The following RFTN1 variants were observed in gnomAD, a reference collection of about 807,000 sequenced individuals.
RFTN1 encodes raftlin, lipid raft linker 1, also known as raftlin.
In RFTN1, 26 loss-of-function variants were observed where a neutral mutation model predicts 46.5. The observed-to-expected ratio is 0.56, with a 90% CI of 0.41 to 0.78. The LOEUF is 0.78. Among genes scored for constraint, RFTN1 ranks in the 30% least tolerant of loss-of-function variants. The pLI is 0.00. For synonymous variants in RFTN1, 261 were observed against 284.2 expected (o/e 0.92, Z 0.82); for missense variants, 693 against 718.7 (o/e 0.96, Z 0.41).
rs34945684 is a variant in RFTN1, at chr3:16,480,998, G to GACAC, written c.145+12723_145+12726dup. 0.42 allele frequency among the ~76,000 whole-genome samples: 61,224 copies of GACAC among 145,600 alleles called. 12,885 individuals carry two copies. Among genetic ancestry groups the GACAC allele is most frequent in the South Asian group, 0.47 (2,060 of 4,412 alleles). On this transcript the variant is annotated intron_variant, in intron 2 of 9. Transcript: ENST00000334133. This position sits in a 1 kb window ranked among gnomAD's most constrained non-coding sequence, Gnocchi z 4.3. ...ATATGCACATGCACACACACACACA[G>GACAC]ACACACACACACACACACACACACA...
rs1470774013 is a variant in RFTN1, at chr3:16,480,755, C to A, written c.145+12970G>T. Among the ~76,000 whole-genome samples the A allele has an allele frequency of 6.6e-6, 1 of 152,154 alleles. No homozygotes were observed. The highest frequency in any genetic ancestry group is 1.5e-5 in the Non-Finnish European group (1 of 68,026). On this transcript the variant is annotated intron_variant, in intron 2 of 9. Transcript: ENST00000334133. The surrounding 1 kb of genome is among the most constrained non-coding windows in gnomAD (Gnocchi z 4.3). ...CTTAAAATTCTTTAACGCAATATTG[C>A]TAATAATAATTAGTAGGGTGCATAG... is the stretch of plus-strand genomic sequence containing the variant.
chr3:16,479,691 C>T lies in RFTN1; in HGVS notation c.145+14034G>A, dbSNP rs1472740781. ...AGGCCTTAAAAGTTCAGCCTGTTGG[C>T]ATCAGCAGCCCTGATGAGTCCACTC... On this transcript the variant is annotated intron_variant, in intron 2 of 9. Coordinates refer to ENST00000334133, the MANE Select transcript of RFTN1 (RefSeq NM_015150.2). The surrounding 1 kb of genome is among the most constrained non-coding windows in gnomAD (Gnocchi z 5.1). Among the ~76,000 whole-genome samples, 1 of 152,206 alleles carries T rather than the reference C, an allele frequency of 6.6e-6. No homozygotes were observed. The highest frequency in any genetic ancestry group is 1.5e-5 in the Non-Finnish European group (1 of 68,022).
In RFTN1 at chr3:16,317,373, C is replaced by CA; in HGVS notation, c.1333-142dup. Reference sequence around the variant, plus strand: ...GCATCCCCCAGCCAGGCAGTACAGGCACCAAACTTGAATCGCACACTATCA... The same window carrying CA: ...GCATCCCCCAGCCAGGCAGTACAGGCAACCAAACTTGAATCGCACACTATCA... On this transcript the variant is annotated intron_variant, in intron 9 of 9. Transcript: ENST00000334133. This position sits in a 1 kb window ranked among gnomAD's most constrained non-coding sequence, Gnocchi z 4.3. 1.2e-6 allele frequency: 1 copy of CA among 836,444 alleles called. No individual in the cohort carries two copies. Among genetic ancestry groups the CA allele is most frequent in the Non-Finnish European group, 1.9e-6 (1 of 539,798 alleles). The allele number at this position is 836,444 out of a possible 1,614,324, so 51.8% of individuals were successfully genotyped here.
intron 4 of RFTN1, among the ~76,000 whole-genome samples, chr3:16,378,678 G>A (rs1462157212): frequency 1.3e-5 from 2 of 152,178 alleles, no homozygotes; most frequent in African/African-American, 2.4e-5. Flanking sequence ...TCCCTGAGAG[G>A]TATCATCTGA....
intron 6 of RFTN1, among the ~76,000 whole-genome samples, chr3:16,364,553 C>T (rs1308309661): frequency 6.6e-6 from 1 of 152,022 alleles, no homozygotes; most frequent in Non-Finnish European, 1.5e-5. Flanking sequence ...ACTCTCTCTG[C>T]CTCGGTGGTT....
rs1480863936 is a variant in RFTN1, at chr3:16,381,974, C to CT, written c.442-3873dup. Among the ~76,000 whole-genome samples the CT allele has an allele frequency of 6.6e-6, 1 of 152,170 alleles. No homozygotes were observed. Among genetic ancestry groups the CT allele is most frequent in the Admixed American group, 6.5e-5 (1 of 15,268 alleles). On this transcript the variant is annotated intron_variant, in intron 4 of 9. Coordinates refer to ENST00000334133, the MANE Select transcript of RFTN1 (RefSeq NM_015150.2). The surrounding 1 kb of genome is among the most constrained non-coding windows in gnomAD (Gnocchi z 4.2). ...CTGCAAGATTTCTTCGAATGCTCAT[C>CT]TTTTACCTTCAACTTCAGCACAAAT...
chr3:16,385,353 C>A lies in RFTN1; in HGVS notation c.442-7251G>T, dbSNP rs1190951790. Among the ~76,000 whole-genome samples the A allele has an allele frequency of 1.3e-5, 2 of 152,154 alleles. No individual in the cohort carries two copies. Among genetic ancestry groups the A allele is most frequent in the Non-Finnish European group, 1.5e-5 (1 of 68,030 alleles). ...AACACTTAGCTGCAGAAATTGGAAG[C>A]TTTGCCAGGCGCTGCTGGATGTTTA... On this transcript the variant is annotated intron_variant, in intron 4 of 9. Coordinates refer to ENST00000334133, the MANE Select transcript of RFTN1 (RefSeq NM_015150.2). The surrounding 1 kb of genome is among the most constrained non-coding windows in gnomAD (Gnocchi z 5.0).
chr3:16,372,053 G>A (rs962361558), intron 5 of RFTN1, among the ~76,000 whole-genome samples: 3 of 152,234 alleles, frequency 2.0e-5, no homozygotes, highest in Non-Finnish European at 2.9e-5. Context: ...CCGAGGGCAA[G>A]AGGATAAGCA....
chr3:16,491,997 A>C (rs1242459057), intron 2 of RFTN1, among the ~76,000 whole-genome samples: 1 of 152,140 alleles, frequency 6.6e-6, no homozygotes, highest in East Asian at 1.9e-4. Context: ...GCTCCAAATA[A>C]TTGTATGTTA....
At chr3:16,318,116 T>G (rs192252746) in intron 9 of RFTN1, among the ~76,000 whole-genome samples, 62 of 152,076 alleles carry the variant, frequency 4.1e-4, no homozygotes, top group African/African-American at 1.4e-3. Flanking sequence ...AGTAATAGAG[T>G]TGGGCAACAA....
At chr3:16,409,588 G>C in intron 3 of RFTN1, 105 bp from the exon 4 acceptor site, 2 of 705,708 alleles carry the variant, frequency 2.8e-6, no homozygotes, top group Non-Finnish European at 2.4e-6. Context: ...CGCGATCTCG[G>C]CTCACTGCAA....
chr3:16,420,635 AT>A (rs2075166570), intron 3 of RFTN1, among the ~76,000 whole-genome samples: 1 of 152,250 alleles, frequency 6.6e-6, no homozygotes, highest in Non-Finnish European at 1.5e-5. Context: ...AATGTTCTAT[AT>A]CTGTACAGTC....
chr3:16,403,678 TAA>T lies in RFTN1; in HGVS notation c.441+5695_441+5696del, dbSNP rs1491208246. Reference sequence around the variant, plus strand: ...ATATATATTTTATGTATATAATATATAATATATATATAATATATATTTTATGT... The same window carrying T: ...ATATATATTTTATGTATATAATATATTATATATATAATATATATTTTATGT... On this transcript the variant is annotated intron_variant, in intron 4 of 9. Transcript: ENST00000334133. Among the ~76,000 whole-genome samples the T allele has an allele frequency of 1.7e-4, 5 of 29,782 alleles. 1 individual carries two copies. The highest frequency in any genetic ancestry group is 2.7e-4 in the African/African-American group (2 of 7,422). The allele number at this position is 29,782 out of a possible 152,430, so 19.5% of individuals were successfully genotyped here.
rs892255544 is a variant in RFTN1, at chr3:16,513,407, A to T, written c.-9+35T>A. ...AACGGAGGGGCCTGTGCCGGTCGAC[A>T]CCCCAAGCCCTGTCGCGCCCCCCCC... On this transcript the variant is annotated intron_variant, in intron 1 of 9. Transcript: ENST00000334133. The surrounding 1 kb of genome is among the most constrained non-coding windows in gnomAD (Gnocchi z 5.4). The T allele has an allele frequency of 1.3e-5, 2 of 152,030 alleles. No individual in the cohort carries two copies. The highest frequency in any genetic ancestry group is 1.3e-4 in the Admixed American group (2 of 15,272). 9.4% of individuals were successfully genotyped at this position (152,030 alleles called of 1,614,324 possible). A position where few individuals can be genotyped will look rare whatever the true frequency, so the allele number is the denominator to read the frequency against.
rs879496773 is a variant in RFTN1 at position 16,422,628 on chromosome 3, TA to T, written c.332+11222del. ...CCTGGTGACAAAGCGAGACTCCGTC[TA>T]AAAAAAAAAAAGAATAGTGCCCTAC... On this transcript the variant is annotated intron_variant, in intron 3 of 9. Transcript: ENST00000334133. This position sits in a 1 kb window ranked among gnomAD's most constrained non-coding sequence, Gnocchi z 4.6. Among the ~76,000 whole-genome samples the T allele has an allele frequency of 1.9e-3, 259 of 139,870 alleles. No individual in the cohort carries two copies. The highest frequency in any genetic ancestry group is 2.5e-3 in the Admixed American group (35 of 14,054). The allele number at this position is 139,870 out of a possible 152,430, so 91.8% of individuals were successfully genotyped here.
chr3:16,477,198 T>A (rs1477719000), intron 2 of RFTN1, among the ~76,000 whole-genome samples: 2 of 152,158 alleles, frequency 1.3e-5, no homozygotes, highest in African/African-American at 4.8e-5. Flanking sequence ...ATTATTTGGT[T>A]TTTTTCCTGA....
chr3:16,371,546 G>A (rs1444493555), intron 5 of RFTN1, among the ~76,000 whole-genome samples: 1 of 152,208 alleles, frequency 6.6e-6, no homozygotes. Flanking sequence ...ATCTCACATA[G>A]GTCACAAAGT....
chr3:16,373,247 C>T (rs555525526), intron 5 of RFTN1, among the ~76,000 whole-genome samples: 1 of 152,344 alleles, frequency 6.6e-6, no homozygotes, highest in South Asian at 2.1e-4. Context: ...AAGGACTGTA[C>T]TGGCAGAGCA....
chr3:16,397,754 G>C (rs971258732), intron 4 of RFTN1, among the ~76,000 whole-genome samples: 2 of 151,310 alleles, frequency 1.3e-5, no homozygotes, highest in Non-Finnish European at 2.9e-5. Context: ...CTATGGTATA[G>C]ATAGGTATTT....
Sources: gnomAD v4.1 joint callset for allele counts (sites outside exome capture counted in the v4.1 genomes callset) on GRCh38, gnomAD v4.1.1 for gene constraint, Gnocchi (gnomAD v3.1) non-coding constraint, MANE v1.5 for transcripts, NCBI Gene and HGNC (gene_info 2026-07-23, HGNC 2026-07-21) for gene names.